The following ESPNL variants were observed in gnomAD, a reference collection of about 807,000 sequenced individuals.
The protein encoded by ESPNL is espin-like protein.
A neutral mutation model predicts 46.8 loss-of-function variants in ESPNL; 49 were observed. The observed-to-expected ratio is 1.05, with a 90% CI of 0.83 to 1.33. The LOEUF (loss-of-function observed/expected upper bound fraction) is 1.33, where lower values mean the gene tolerates loss of function less well. ESPNL is among the 40% of genes most tolerant of loss of function. The pLI, the probability that ESPNL is intolerant of heterozygous loss-of-function variation, is 0.00. For missense variants in ESPNL, 1,540 were observed against 1,436.6 expected, an observed-to-expected ratio of 1.07 and a Z score of -1.16; for synonymous variants, 664 against 662.1, an observed-to-expected ratio of 1.00 and a Z score of -0.04.
chr2:238,119,422 G>A (rs1447275215), intron 5 of ESPNL, among the ~76,000 whole-genome samples: 1 of 144,292 alleles, frequency 6.9e-6, no homozygotes, highest in Non-Finnish European at 1.5e-5. Context: ...ATGGAGGAGG[G>A]TAGATGGAGG....
intron 8 of ESPNL, among the ~76,000 whole-genome samples, chr2:238,129,566 G>C (rs1692233766): frequency 6.6e-6 from 1 of 152,226 alleles, no homozygotes. Context: ...TCTGAGCAGA[G>C]AAGGGCTGTG....
At position 238,131,197 on chromosome 2, in the gene ESPNL, G is replaced by A. The variant is rs934608595; in HGVS notation, c.2483G>A (p.Arg828Gln). ...VPARQLRRLS[R>Q]QPRGALSPEQ... ...GCCCGGCAGCTGCGGCGGCTGAGCC[G>A]GCAGCCCCGCGGGGCTTTGTCCCCC... Residue 828 changes from arginine to glutamine, a missense_variant, in exon 9 of 9, where the codon CGG (arginine) becomes CAG (glutamine). By Grantham distance (43) the Arg-to-Gln change is conservative (BLOSUM62 1). Coordinates refer to ENST00000343063, the MANE Select transcript of ESPNL (RefSeq NM_194312.4). The A allele has an allele frequency of 2.5e-5, 39 of 1,544,594 alleles. No individual in the cohort carries two copies. Among genetic ancestry groups the A allele is most frequent in the Non-Finnish European group, 2.9e-5 (33 of 1,147,126 alleles).
At chr2:238,126,344 TTG>T (rs372340919) in intron 6 of ESPNL, among the ~76,000 whole-genome samples, 3,031 of 147,082 alleles carry the variant, frequency 0.021, 94 homozygotes, top group African/African-American at 0.072. Context: ...CTGTATGTGA[TTG>T]TGTGTGTGAT....
intron 2 of ESPNL, among the ~76,000 whole-genome samples, chr2:238,103,251 C>A (rs1161440678): frequency 6.6e-6 from 1 of 152,086 alleles, no homozygotes; most frequent in African/African-American, 2.4e-5. Context: ...AGCGAGACCT[C>A]CATCTCTACA....
In ESPNL at chr2:238,104,792, G is replaced by T. The variant is rs147264039; in HGVS notation, c.622G>T (p.Ala208Ser). ...VHLRALDGMS[A>S]LHAAAARGHY... ...CCTTCGTGCTCTCGATGGCATGAGC[G>T]CCCTGCACGCTGCCGCCGCCCGTGG... is the stretch of plus-strand genomic sequence containing the variant. The change falls in exon 3 of 9, where the codon GCC becomes TCC. Residue 208 changes from alanine (A) to serine (S), a missense_variant. Transcript: ENST00000343063. 5.4e-5 allele frequency: 85 copies of T among 1,577,942 alleles called. 1 individual carries two copies. The Middle Eastern group carries it at 1.8e-3, about 33-fold the overall frequency.
intron 6 of ESPNL, among the ~76,000 whole-genome samples, chr2:238,125,624 G>A (rs1006935598): frequency 1.3e-5 from 2 of 152,260 alleles, no homozygotes; most frequent in Non-Finnish European, 1.5e-5. Flanking sequence ...GGGTAAAAGC[G>A]GGGAGACGGG....
chr2:238,104,373 T>G lies in ESPNL; in HGVS notation c.486-283T>G, dbSNP rs73098367. On this transcript the variant is annotated intron_variant, in intron 2 of 8. Transcript: ENST00000343063. Reference sequence around the variant, plus strand: ...AATCCTGGGCCTCCACTGGGACAACTGAGAACCTGGAAGCCAAGACTGTGA... The same window carrying G: ...AATCCTGGGCCTCCACTGGGACAACGGAGAACCTGGAAGCCAAGACTGTGA... Among the ~76,000 whole-genome samples the G allele has an allele frequency of 5.4e-3, 828 of 152,262 alleles. 12 individuals are homozygous for G. The highest frequency in any genetic ancestry group is 0.019 in the African/African-American group (789 of 41,550).
intron 3 of ESPNL, among the ~76,000 whole-genome samples, 165 bp downstream of exon 3, chr2:238,105,007 C>A (rs1427578505): frequency 3.9e-5 from 6 of 152,150 alleles, no homozygotes; most frequent in African/African-American, 1.4e-4. Flanking sequence ...GCAGCTCCGG[C>A]CAGGCTGGGC....
At chr2:238,124,215 G>A (rs1692048248) in intron 5 of ESPNL, among the ~76,000 whole-genome samples, 1 of 152,250 alleles carries the variant, frequency 6.6e-6, no homozygotes. Context: ...GCTCTCACTA[G>A]CACTGACCCT....
At chr2:238,115,994 T>G (rs1255456617) in intron 4 of ESPNL, among the ~76,000 whole-genome samples, 1 of 152,220 alleles carries the variant, frequency 6.6e-6, no homozygotes, top group Non-Finnish European at 1.5e-5. Flanking sequence ...ACTTCTTACT[T>G]AGTTCAATTC....
chr2:238,103,344 A>C (rs1427681468), intron 2 of ESPNL, among the ~76,000 whole-genome samples: 2 of 152,170 alleles, frequency 1.3e-5, no homozygotes, highest in African/African-American at 2.4e-5. Flanking sequence ...TGGGAGGATC[A>C]CTTGAGTCTG....
chr2:238,125,142 A>T, intron 5 of ESPNL, 128 bp from the exon 6 acceptor site: 2 of 502,704 alleles, frequency 4.0e-6, no homozygotes, highest in Non-Finnish European at 7.2e-6. Flanking sequence ...CCACCTCCTT[A>T]CCTGTCCCAG....
chr2:238,115,550 G>T (rs997754425), intron 4 of ESPNL, among the ~76,000 whole-genome samples: 3 of 152,220 alleles, frequency 2.0e-5, no homozygotes, highest in Non-Finnish European at 4.4e-5. Context: ...TTTACTCACG[G>T]CATGGCACAC....
chr2:238,126,111 TC>T (rs913784510), intron 6 of ESPNL, among the ~76,000 whole-genome samples: 4 of 151,606 alleles, frequency 2.6e-5, no homozygotes, highest in African/African-American at 9.8e-5. Context: ...TGATTGTGTG[TC>T]TCTGTGATTG....
At chr2:238,129,159 T>C in intron 8 of ESPNL, 1 of 1,395,614 alleles carries the variant, frequency 7.2e-7, no homozygotes, top group Non-Finnish European at 9.3e-7. Flanking sequence ...GGCACATGCC[T>C]GCCTGTGCCA....
At chr2:238,126,402 G>T (rs951221117) in intron 6 of ESPNL, among the ~76,000 whole-genome samples, 1 of 150,170 alleles carries the variant, frequency 6.7e-6, no homozygotes, top group Non-Finnish European at 1.5e-5. Context: ...GTATGATTAT[G>T]CCTGTGTATG....
At position 238,128,025 on chromosome 2, in the gene ESPNL, G is replaced by T. The variant is rs553150377; in HGVS notation, c.1215+291G>T. 4.6e-5 allele frequency among the ~76,000 whole-genome samples: 7 copies of T among 152,308 alleles called. No homozygotes were observed. In the South Asian group the frequency reaches 1.2e-3, roughly 27 times the overall value. On this transcript the variant is annotated intron_variant, in intron 7 of 8. Transcript: ENST00000343063. ...CCTCTCCCTGACCTCTGAGCTCAGGGGTGCTCCGTGCCCGCTTGGAGTGCG... is the reference window on the plus strand; with the variant it reads ...CCTCTCCCTGACCTCTGAGCTCAGGTGTGCTCCGTGCCCGCTTGGAGTGCG...
Position 238,109,186 on chromosome 2 carries a change from G to A in ESPNL, c.855+1213G>A, listed in dbSNP as rs1017746450. Among the ~76,000 whole-genome samples the A allele has an allele frequency of 2.6e-4, 39 of 152,170 alleles. 1 individual carries two copies. Among genetic ancestry groups the A allele is most frequent in the Admixed American group, 2.4e-3 (36 of 15,276 alleles). ...GGCTCAGGCAGGCCCCAGGAGACTC[G>A]GCTCAGAAGGGGTAAGTGGCCCCTG... is the stretch of plus-strand genomic sequence containing the variant. On this transcript the variant is annotated intron_variant, in intron 4 of 8. Transcript: ENST00000343063.
chr2:238,100,991 GTC>G (rs1361871689), intron 1 of ESPNL, among the ~76,000 whole-genome samples: 1 of 152,224 alleles, frequency 6.6e-6, no homozygotes, highest in Non-Finnish European at 1.5e-5. Flanking sequence ...CAGGACCCCT[GTC>G]TCTGATCAGG....
Sources: allele counts gnomAD v4.1 joint callset (sites outside exome capture counted in the v4.1 genomes callset), GRCh38; gene constraint gnomAD v4.1.1; transcripts MANE v1.5; gene names NCBI Gene and HGNC (gene_info 2026-07-23, HGNC 2026-07-21).